Variants in CSNK2A1 observed in about 807,000 individuals in gnomAD.
CSNK2A1 encodes the protein casein kinase 2 alpha 1, also known as casein kinase II subunit alpha.
Under a neutral mutation model 62.9 loss-of-function variants are expected in CSNK2A1, and 10 were observed. That is an observed-to-expected ratio of 0.16 (90% CI 0.10 to 0.27). The LOEUF (loss-of-function observed/expected upper bound fraction) is 0.27, where lower values mean the gene tolerates loss of function less well. Among genes scored for constraint, CSNK2A1 ranks in the 10% least tolerant of loss-of-function variants. The probability of loss-of-function intolerance (pLI) is 1.00; values close to 1 mark genes in which losing one functional copy is unlikely to be tolerated. For synonymous variants in CSNK2A1, 124 were observed against 167.8 expected (o/e 0.74, Z 2.02); for missense variants, 160 against 492.0 (o/e 0.33, Z 6.38).
intron 9 of CSNK2A1, among the ~76,000 whole-genome samples, chr20:491,256 C>A (rs1352610795): frequency 6.6e-6 from 1 of 152,120 alleles, no homozygotes; most frequent in Non-Finnish European, 1.5e-5. Context: ...TTCCTTTCTC[C>A]TTTTTCTGTG....
chr20:497,348 ATGTTGCTCAGGC>A (rs2018365788), intron 7 of CSNK2A1, among the ~76,000 whole-genome samples: 1 of 152,114 alleles, frequency 6.6e-6, no homozygotes, highest in Non-Finnish European at 1.5e-5. Flanking sequence ...GGGTCTCACT[ATGTTGCTCAGGC>A]TGGTCTTGAT....
chr20:489,682 C>T (rs1241347595), intron 10 of CSNK2A1, 98 bp downstream of exon 10: 20 of 917,422 alleles, frequency 2.2e-5, no homozygotes, highest in South Asian at 7.8e-5. Flanking sequence ...GGATCAATAT[C>T]GGGGTGGCTG....
intron 2 of CSNK2A1, among the ~76,000 whole-genome samples, chr20:521,437 G>C (rs2018943504): frequency 1.3e-5 from 2 of 152,150 alleles, no homozygotes; most frequent in Admixed American, 1.3e-4. Flanking sequence ...TGGATGCAGA[G>C]TAACAGTAAC....
At chr20:519,951 A>C (rs2018911076) in intron 2 of CSNK2A1, among the ~76,000 whole-genome samples, 1 of 152,206 alleles carries the variant, frequency 6.6e-6, no homozygotes, top group Non-Finnish European at 1.5e-5. Context: ...TATTATATGA[A>C]AAGAAGATAA....
At chr20:511,373 T>G (rs1312919007) in intron 2 of CSNK2A1, among the ~76,000 whole-genome samples, 1 of 152,122 alleles carries the variant, frequency 6.6e-6, no homozygotes, top group Non-Finnish European at 1.5e-5. Flanking sequence ...TATCCACATT[T>G]AAACCTAAAG....
chr20:523,887 G>A lies in CSNK2A1; in HGVS notation c.-110+4046C>T, dbSNP rs1035502753. On this transcript the variant is annotated intron_variant, in intron 2 of 13. Coordinates refer to ENST00000217244, the MANE Select transcript of CSNK2A1 (RefSeq NM_177559.3). ...AAAAAAAAAAAAAAAAAAAACTGTA[G>A]TAACTCAGAACAGAACAGTGGTTGC... 9.6e-5 allele frequency among the ~76,000 whole-genome samples: 13 copies of A among 134,960 alleles called. No homozygotes were observed. In the East Asian group the frequency reaches 2.3e-3, roughly 23 times the overall value. 88.5% of individuals were successfully genotyped at this position (134,960 alleles called of 152,430 possible).
chr20:531,423 T>A (rs205907), intron 1 of CSNK2A1, among the ~76,000 whole-genome samples: 1 of 151,998 alleles, frequency 6.6e-6, no homozygotes, highest in Non-Finnish European at 1.5e-5. Flanking sequence ...AATCCCTGGT[T>A]TATACTAAAT....
intron 2 of CSNK2A1, among the ~76,000 whole-genome samples, chr20:525,427 C>T (rs986604019): frequency 9.3e-5 from 14 of 150,202 alleles, no homozygotes; most frequent in East Asian, 2.0e-4. Flanking sequence ...CTGAGGCGGG[C>T]GGATCACGAG....
At chr20:503,739 A>T in intron 4 of CSNK2A1, 1 of 398,588 alleles carries the variant, frequency 2.5e-6, no homozygotes, top group Non-Finnish European at 4.4e-6. Flanking sequence ...GTGGTGTCCA[A>T]CCAATGACAA....
chr20:487,224 G>T (rs2018119417), intron 12 of CSNK2A1: 1 of 666,782 alleles, frequency 1.5e-6, no homozygotes, highest in Non-Finnish European at 2.5e-6. Context: ...ATTTAGGAAT[G>T]CTCTTGTGTC....
At chr20:496,683 T>C (rs112319939) in intron 7 of CSNK2A1, 1 of 152,144 alleles carries the variant, frequency 6.6e-6, no homozygotes, top group African/African-American at 2.4e-5. Context: ...CCTCAGGGGA[T>C]TTCTAAGGCT....
chr20:508,856 T>C (rs374785909), intron 2 of CSNK2A1, among the ~76,000 whole-genome samples, 196 bp from the exon 3 acceptor site: 3 of 152,162 alleles, frequency 2.0e-5, no homozygotes, highest in African/African-American at 4.8e-5. Flanking sequence ...AGTAAACTGA[T>C]ATTTGCTTTA....
chr20:491,719 C>T (rs1049123650), intron 9 of CSNK2A1, among the ~76,000 whole-genome samples: 2 of 151,802 alleles, frequency 1.3e-5, no homozygotes, highest in Admixed American at 1.3e-4. Context: ...GGCAGGAGAT[C>T]GAGACCATCC....
intron 1 of CSNK2A1, among the ~76,000 whole-genome samples, chr20:541,927 T>G (rs1366747665): frequency 6.6e-6 from 1 of 152,206 alleles, no homozygotes; most frequent in East Asian, 1.9e-4. Context: ...CTGCTAAGAC[T>G]GCAGGTGAAC....
intron 8 of CSNK2A1, chr20:495,318 T>C (rs1418391301): frequency 5.9e-6 from 1 of 168,780 alleles, no homozygotes; most frequent in African/African-American, 2.4e-5. Context: ...TTTCTGTATA[T>C]CTCGTCCACT....
intron 1 of CSNK2A1, among the ~76,000 whole-genome samples, chr20:540,259 G>GAAGT (rs1239540631): frequency 1.1e-4 from 16 of 152,282 alleles, no homozygotes; most frequent in African/African-American, 2.9e-4. Flanking sequence ...ATGGGCTGTG[G>GAAGT]AAGTATTCCA....
At chr20:494,364 A>G (rs918343055) in intron 8 of CSNK2A1, 1 of 152,168 alleles carries the variant, frequency 6.6e-6, no homozygotes, top group Non-Finnish European at 1.5e-5. Flanking sequence ...AGTTGCATTC[A>G]TATATAGGCT....
Position 478,896 on chromosome 20 carries a change from T to A in CSNK2A1, c.*5065A>T, listed in dbSNP as rs185930899. 1 of 200,434 alleles carries A rather than the reference T, an allele frequency of 5.0e-6. No individual in the cohort carries two copies. The highest frequency in any genetic ancestry group is 1.1e-5 in the Non-Finnish European group (1 of 94,476). 12.4% of individuals were successfully genotyped at this position (200,434 alleles called of 1,614,324 possible). ...GAGCTGTGATGGCGCTACTGCACTCTAGCCTGGGTAACAGAGCAAGACCCG... is the reference window on the plus strand; with the variant it reads ...GAGCTGTGATGGCGCTACTGCACTCAAGCCTGGGTAACAGAGCAAGACCCG... On this transcript the variant is annotated 3_prime_UTR_variant, in exon 14 of 14. Coordinates refer to ENST00000217244, the MANE Select transcript of CSNK2A1 (RefSeq NM_177559.3).
At chr20:529,450 G>C (rs1230059239) in intron 1 of CSNK2A1, among the ~76,000 whole-genome samples, 9 of 152,080 alleles carry the variant, frequency 5.9e-5, no homozygotes, top group Admixed American at 5.9e-4. Flanking sequence ...TTAGTCACTT[G>C]GTAGCCTTCT....
Sources: gnomAD v4.1 joint callset for allele counts (sites outside exome capture counted in the v4.1 genomes callset) on GRCh38, gnomAD v4.1.1 for gene constraint, MANE v1.5 for transcripts, NCBI Gene and HGNC (gene_info 2026-07-23, HGNC 2026-07-21) for gene names.